ZNF333: variants seen among roughly 807,000 people sequenced by gnomAD.
The protein encoded by ZNF333 is zinc finger protein 333.
A neutral mutation model predicts 76.1 loss-of-function variants in ZNF333; 61 were observed. The observed-to-expected ratio is 0.80, with a 90% CI of 0.65 to 0.99. The LOEUF is 0.99. Ranked by LOEUF, ZNF333 falls within the 50% of genes least tolerant of loss-of-function variation. The pLI, the probability that ZNF333 is intolerant of heterozygous loss-of-function variation, is 0.00. For missense variants in ZNF333, 717 were observed against 822.4 expected (o/e 0.87, Z 1.57); for synonymous variants, 284 against 305.0 (o/e 0.93, Z 0.72).
intron 5 of ZNF333, chr19:14,699,560 G>C (rs191692282): frequency 1.3e-5 from 4 of 318,992 alleles, no homozygotes; most frequent in East Asian, 1.3e-4. Context: ...TCCCAGGATC[G>C]AGTGATTTTC....
At chr19:14,717,424 A>G (rs2147019456) in intron 10 of ZNF333, 3 of 557,954 alleles carry the variant, frequency 5.4e-6, no homozygotes, top group Non-Finnish European at 6.4e-6. Context: ...TTGGTAAATT[A>G]CCTACTATTT....
rs368578146 is a variant in ZNF333 at position 14,720,484 on chromosome 19, A to T, written c.*1159A>T. The stretch of plus-strand genomic sequence containing the variant: ...CCATCTTGCTTCTGTAATCTAAAAA[A>T]TATTTAGGATAGATTTAATAGAATT... On this transcript the variant is annotated 3_prime_UTR_variant, in exon 12 of 12. Coordinates refer to ENST00000292530, the MANE Select transcript of ZNF333 (RefSeq NM_032433.4). 101 of 985,464 alleles carry T rather than the reference A, an allele frequency of 1.0e-4. No individual in the cohort carries two copies. The African/African-American group carries it at 1.7e-3, about 16-fold the overall frequency. 61.0% of individuals were successfully genotyped at this position (985,464 alleles called of 1,614,324 possible). A position where few individuals can be genotyped will look rare whatever the true frequency, so the allele number is the denominator to read the frequency against.
intron 6 of ZNF333, 62 bp from the exon 7 acceptor site, chr19:14,706,624 C>A: frequency 7.9e-7 from 1 of 1,260,282 alleles, no homozygotes; most frequent in Non-Finnish European, 1.2e-6. Flanking sequence ...TTGGGGTGAG[C>A]AGGTGTGAGT....
intron 4 of ZNF333, among the ~76,000 whole-genome samples, chr19:14,696,083 AT>A (rs1973164909): frequency 6.6e-6 from 1 of 152,186 alleles, no homozygotes; most frequent in Non-Finnish European, 1.5e-5. Context: ...AGGCATGAGA[AT>A]TGCTTGAACC....
chr19:14,691,513 G>A (rs1972770272), intron 1 of ZNF333, among the ~76,000 whole-genome samples: 1 of 152,126 alleles, frequency 6.6e-6, no homozygotes, highest in South Asian at 2.1e-4. Flanking sequence ...TCAGTTTTAC[G>A]AGTGAGGTGT....
chr19:14,698,893 AATATAGATATATATATAT>A (rs1321179091), intron 4 of ZNF333, among the ~76,000 whole-genome samples: 8 of 113,112 alleles, frequency 7.1e-5, no homozygotes, highest in African/African-American at 2.2e-4. Context: ...CACACACACA[AATATAGATATATATATAT>A]ATATATATAT....
At position 14,695,125 on chromosome 19, in the gene ZNF333, C is replaced by T. The variant is rs746672625; in HGVS notation, c.119C>T (p.Ala40Val). 1 of 1,613,380 alleles carries T rather than the reference C, an allele frequency of 6.2e-7. No homozygotes were observed. The highest frequency in any genetic ancestry group is 2.2e-5 in the East Asian group (1 of 44,894). Residue 40 changes from alanine to valine, a missense_variant, in exon 3 of 12, where the codon GCC becomes GTC. Coordinates refer to ENST00000292530, the MANE Select transcript of ZNF333 (RefSeq NM_032433.4). ...ATGCTTGACCAGTGCAGGACCCTGG[C>T]CTCCAGGGGTAAGGCTGGCGTCACC... The part of the protein sequence containing the change: ...YRMLDQCRTL[A>V]SRGTPPCKPS...
At chr19:14,708,020 T>G in intron 7 of ZNF333, 1 of 399,516 alleles carries the variant, frequency 2.5e-6, no homozygotes, top group Non-Finnish European at 4.4e-6. Context: ...TTATTTTATT[T>G]TAATTGAGAC....
chr19:14,701,365 G>T (rs143715904), intron 5 of ZNF333, among the ~76,000 whole-genome samples: 1 of 152,040 alleles, frequency 6.6e-6, no homozygotes, highest in Non-Finnish European at 1.5e-5. Context: ...GCCTCCTCCC[G>T]AGTAGCTGGG....
In ZNF333 at chr19:14,716,975, GT is replaced by G; in HGVS notation, c.728-12del. 1 of 1,602,616 alleles carries G rather than the reference GT, an allele frequency of 6.2e-7. No individual in the cohort carries two copies. Among genetic ancestry groups the G allele is most frequent in the Admixed American group, 1.7e-5 (1 of 59,046 alleles). ...ATGGCACAGTCCTCGCACAACATGT[GT>G]TTTTTTCTCATGAGCAGCTGATCAA... is the stretch of plus-strand genomic sequence containing the variant. On this transcript the variant is annotated intron_variant, in intron 9 of 11. Transcript: ENST00000292530.
chr19:14,696,422 A>G (rs904167200), intron 4 of ZNF333, among the ~76,000 whole-genome samples: 7 of 152,118 alleles, frequency 4.6e-5, no homozygotes, highest in Admixed American at 1.3e-4. Context: ...ACATTTGTAT[A>G]TGGAAATCGT....
chr19:14,709,897 A>G (rs1012406623), intron 7 of ZNF333, among the ~76,000 whole-genome samples: 4 of 152,238 alleles, frequency 2.6e-5, no homozygotes, highest in Non-Finnish European at 4.4e-5. Context: ...GACATTGCCA[A>G]ATGTCCCCTG....
chr19:14,723,057 A>G (rs1054640957), downstream of ZNF333, among the ~76,000 whole-genome samples: 5 of 152,218 alleles, frequency 3.3e-5, no homozygotes, highest in Admixed American at 2.6e-4. Flanking sequence ...AAGTGCTGGG[A>G]TTACAGGTGT....
intron 7 of ZNF333, among the ~76,000 whole-genome samples, chr19:14,714,288 G>A (rs1030892561): frequency 3.3e-5 from 5 of 152,256 alleles, no homozygotes; most frequent in African/African-American, 1.2e-4. Context: ...AGGTCACAAG[G>A]TTGGGCCCCA....
Position 14,705,586 on chromosome 19 carries a change from G to A in ZNF333, c.423+416G>A, listed in dbSNP as rs1599719282. The stretch of plus-strand genomic sequence containing the variant: ...TCAGGGCCCTGCGTGTCCTTACCAA[G>A]GCAGAGAGAGAATGGGAGAGAGATG... On this transcript the variant is annotated intron_variant, in intron 6 of 11. Coordinates refer to ENST00000292530, the MANE Select transcript of ZNF333 (RefSeq NM_032433.4). Among the ~76,000 whole-genome samples the A allele has an allele frequency of 2.0e-5, 3 of 152,328 alleles. No individual in the cohort carries two copies. In the East Asian group the frequency reaches 5.8e-4, roughly 29 times the overall value.
intron 2 of ZNF333, 116 bp downstream of exon 2, chr19:14,693,610 G>A (rs1211494701): frequency 7.7e-7 from 1 of 1,291,152 alleles, no homozygotes; most frequent in Admixed American, 2.2e-5. Context: ...GAAAGGGAAG[G>A]GTGAGTGAGG....
chr19:14,722,180 G>C (rs2042597346), downstream of ZNF333, among the ~76,000 whole-genome samples: 1 of 152,246 alleles, frequency 6.6e-6, no homozygotes, highest in Admixed American at 6.5e-5. Context: ...AAGTAATGAT[G>C]CAGTGGTAGA....
In ZNF333 at chr19:14,720,873, C is replaced by G. The variant is rs1376332483; in HGVS notation, c.*1548C>G. 2.5e-5 allele frequency: 23 copies of G among 937,286 alleles called. No homozygotes were observed. Among genetic ancestry groups the G allele is most frequent in the Non-Finnish European group, 2.8e-5 (22 of 786,458 alleles). 58.1% of individuals were successfully genotyped at this position (937,286 alleles called of 1,614,324 possible). A position where few individuals can be genotyped will look rare whatever the true frequency, so the allele number is the denominator to read the frequency against. On this transcript the variant is annotated 3_prime_UTR_variant, in exon 12 of 12. Coordinates refer to ENST00000292530, the MANE Select transcript of ZNF333 (RefSeq NM_032433.4). Reference sequence around the variant, plus strand: ...TGCTGAAAAATCTTTGTCATTCTGTCAGTTTTTAAATTTATGTATATACAT... The same window carrying G: ...TGCTGAAAAATCTTTGTCATTCTGTGAGTTTTTAAATTTATGTATATACAT...
In ZNF333 at chr19:14,695,671, A is replaced by C. The variant is rs201622633; in HGVS notation, c.223+10A>C. The C allele has an allele frequency of 6.2e-7, 1 of 1,613,680 alleles. No homozygotes were observed. The highest frequency in any genetic ancestry group is 1.3e-5 in the African/African-American group (1 of 75,026). ...CGTGCCACAGGTGTTGGTGAGTACCAGGCAGGCTGTGGATCCCCCGACCCC... is the reference window on the plus strand; with the variant it reads ...CGTGCCACAGGTGTTGGTGAGTACCCGGCAGGCTGTGGATCCCCCGACCCC... On this transcript the variant is annotated intron_variant, in intron 4 of 11. Coordinates refer to ENST00000292530, the MANE Select transcript of ZNF333 (RefSeq NM_032433.4).
Sources: gnomAD v4.1 joint callset for allele counts (sites outside exome capture counted in the v4.1 genomes callset) on GRCh38, gnomAD v4.1.1 for gene constraint, MANE v1.5 for transcripts, NCBI Gene and HGNC (gene_info 2026-07-23, HGNC 2026-07-21) for gene names.